NLGN1: variants seen among roughly 807,000 people sequenced by gnomAD.
NLGN1 encodes neuroligin-1.
Under a neutral mutation model 65.5 loss-of-function variants are expected in NLGN1, and 12 were observed. The ratio of observed to expected loss-of-function variants is 0.18; its 90% CI spans 0.12 to 0.30. NLGN1 has a LOEUF of 0.30. Among genes scored for constraint, NLGN1 ranks in the 10% least tolerant of loss-of-function variants. The pLI, the probability that NLGN1 is intolerant of heterozygous loss-of-function variation, is 1.00. For missense variants in NLGN1, 750 were observed against 1,007.1 expected (o/e 0.74, Z 3.46); for synonymous variants, 350 against 359.5 (o/e 0.97, Z 0.30).
intron 4 of NLGN1, among the ~76,000 whole-genome samples, chr3:174,212,841 C>G (rs964970646): frequency 6.6e-6 from 1 of 152,202 alleles, no homozygotes; most frequent in Admixed American, 6.5e-5. Flanking sequence ...CCTGCATCTT[C>G]TAGGAGCTAC....
chr3:173,942,188 T>C (rs1035260709), intron 4 of NLGN1, among the ~76,000 whole-genome samples: 3 of 151,930 alleles, frequency 2.0e-5, no homozygotes, highest in Admixed American at 6.6e-5. Context: ...TATATATATA[T>C]ACACATGTGC....
intron 4 of NLGN1, among the ~76,000 whole-genome samples, chr3:174,261,226 T>A (rs373642549): frequency 4.0e-5 from 6 of 148,466 alleles, no homozygotes; most frequent in East Asian, 2.1e-4. Flanking sequence ...GTGAAGAAAG[T>A]CATTGGTAGC....
intron 4 of NLGN1, among the ~76,000 whole-genome samples, chr3:173,857,337 G>C (rs968210833): frequency 6.6e-6 from 1 of 152,078 alleles, no homozygotes; most frequent in African/African-American, 2.4e-5. Flanking sequence ...TAGACTACCT[G>C]AAATTCCCTC....
chr3:173,785,556 A>G (rs1313848787), intron 3 of NLGN1, among the ~76,000 whole-genome samples: 1 of 152,204 alleles, frequency 6.6e-6, no homozygotes, highest in Non-Finnish European at 1.5e-5. Context: ...AGTACTAGAT[A>G]AATTTTAAAC....
At chr3:173,566,758 C>A (rs1049875102) in intron 2 of NLGN1, among the ~76,000 whole-genome samples, 1 of 152,092 alleles carries the variant, frequency 6.6e-6, no homozygotes, top group African/African-American at 2.4e-5. Context: ...GACTGAAAAT[C>A]CTTTAAAAAT....
chr3:173,820,091 A>C (rs547209342), intron 4 of NLGN1, among the ~76,000 whole-genome samples: 273 of 150,372 alleles, frequency 1.8e-3, no homozygotes, highest in African/African-American at 6.3e-3. Context: ...AGGCAGGAGA[A>C]TGGCGCGAAC....
At chr3:173,847,032 C>A (rs1386232089) in intron 4 of NLGN1, among the ~76,000 whole-genome samples, 1 of 151,744 alleles carries the variant, frequency 6.6e-6, no homozygotes, top group Non-Finnish European at 1.5e-5. Flanking sequence ...TATGAATGCA[C>A]AAGAAAATAA....
intron 1 of NLGN1, among the ~76,000 whole-genome samples, chr3:173,405,527 TAAAC>T (rs955495525): frequency 3.9e-5 from 6 of 152,064 alleles, no homozygotes; most frequent in African/African-American, 1.4e-4. Context: ...CCTCGTTTTT[TAAAC>T]AAACTAATAC....
intron 3 of NLGN1, among the ~76,000 whole-genome samples, chr3:173,637,256 A>C (rs1199246286): frequency 6.6e-6 from 1 of 152,148 alleles, no homozygotes; most frequent in African/African-American, 2.4e-5. Context: ...AGTTTATCAT[A>C]AAATATCTTT....
intron 2 of NLGN1, among the ~76,000 whole-genome samples, chr3:173,537,820 C>G (rs560855933): frequency 6.6e-6 from 1 of 152,114 alleles, no homozygotes; most frequent in African/African-American, 2.4e-5. Flanking sequence ...TAAAGGATCT[C>G]CTATGTTCCA....
At chr3:173,428,208 T>A (rs554380711) in intron 1 of NLGN1, among the ~76,000 whole-genome samples, 3 of 151,908 alleles carry the variant, frequency 2.0e-5, no homozygotes, top group Admixed American at 6.6e-5. Flanking sequence ...ATAGGTGAAG[T>A]GAGTTTCCTG....
At chr3:173,587,421 T>A (rs1384100380) in intron 2 of NLGN1, among the ~76,000 whole-genome samples, 2 of 152,126 alleles carry the variant, frequency 1.3e-5, no homozygotes, top group Non-Finnish European at 2.9e-5. Flanking sequence ...TATACAAAAC[T>A]ACACACCAAA....
At chr3:173,924,537 C>G (rs953138486) in intron 4 of NLGN1, among the ~76,000 whole-genome samples, 1 of 151,612 alleles carries the variant, frequency 6.6e-6, no homozygotes, top group Non-Finnish European at 1.5e-5. Flanking sequence ...GTATGAGAAT[C>G]CCTTGAGCCC....
intron 3 of NLGN1, among the ~76,000 whole-genome samples, chr3:173,638,439 G>A (rs1756932095): frequency 6.6e-6 from 1 of 150,760 alleles, no homozygotes; most frequent in African/African-American, 2.4e-5. Flanking sequence ...ATTAAAAGAG[G>A]TATTTAAATT....
intron 2 of NLGN1, among the ~76,000 whole-genome samples, chr3:173,461,669 A>G (rs572322251): frequency 2.2e-4 from 33 of 149,264 alleles, no homozygotes; most frequent in South Asian, 8.7e-4. Flanking sequence ...GTAAACAAAT[A>G]TTATTGAATC....
chr3:173,779,116 A>T (rs1372180655), intron 3 of NLGN1, among the ~76,000 whole-genome samples: 1 of 151,746 alleles, frequency 6.6e-6, no homozygotes, highest in Non-Finnish European at 1.5e-5. Flanking sequence ...TGTAGAAATA[A>T]ATAGTTGCTT....
exon 7 of NLGN1, chr3:174,285,855 T>A (rs1173834502): frequency 6.6e-6 from 1 of 151,498 alleles, no homozygotes; most frequent in Non-Finnish European, 1.5e-5. Flanking sequence ...AGGATGACTA[T>A]ATTATAAATT....
chr3:173,747,921 C>A (rs944609196), intron 3 of NLGN1, among the ~76,000 whole-genome samples: 1 of 140,446 alleles, frequency 7.1e-6, no homozygotes, highest in African/African-American at 2.6e-5. Context: ...TTAAGCAATT[C>A]TCATGCCTCA....
intron 3 of NLGN1, among the ~76,000 whole-genome samples, chr3:173,724,306 C>G (rs551489729): frequency 6.6e-6 from 1 of 152,196 alleles, no homozygotes; most frequent in African/African-American, 2.4e-5. Flanking sequence ...GACGGAGTCT[C>G]GCTCTGTTGC....
Sources: gnomAD v4.1 joint callset for allele counts (sites outside exome capture counted in the v4.1 genomes callset) on GRCh38, gnomAD v4.1.1 for gene constraint, MANE v1.5 for transcripts, NCBI Gene and HGNC (gene_info 2026-07-23, HGNC 2026-07-21) for gene names.